CPQ: variants seen among roughly 807,000 people sequenced by gnomAD.
CPQ encodes Ser-Met dipeptidase.
Under a neutral mutation model 45.7 loss-of-function variants are expected in CPQ, and 37 were observed. The observed-to-expected ratio is 0.81, with a 90% confidence interval of 0.62 to 1.07. The LOEUF (loss-of-function observed/expected upper bound fraction) is 1.07. Among genes scored for constraint, CPQ ranks in the 50% least tolerant of loss-of-function variants. The probability of loss-of-function intolerance (pLI) is 0.00; values close to 1 mark genes in which losing one functional copy is unlikely to be tolerated. For missense variants in CPQ, 537 were observed against 572.9 expected (o/e 0.94, Z 0.64); for synonymous variants, 186 against 205.8 (o/e 0.90, Z 0.82).
In CPQ at chr8:96,725,717, G is replaced by GC. The variant is rs566038033; in HGVS notation, c.-34-59146dup. ...TAAAACAGAACTGCCATTCAACCCA[G>GC]CAATCCCATTATTTGGTATATACCC... is the stretch of plus-strand genomic sequence containing the variant. On this transcript the variant is annotated intron_variant, in intron 1 of 7. Coordinates refer to ENST00000220763, the MANE Select transcript of CPQ (RefSeq NM_016134.4). Among the ~76,000 whole-genome samples, 183 of 152,048 alleles carry GC rather than the reference G, an allele frequency of 1.2e-3. 1 individual carries two copies. The highest frequency in any genetic ancestry group is 3.5e-3 in the African/African-American group (146 of 41,458).
chr8:97,035,715 C>G (rs541511057), intron 6 of CPQ, among the ~76,000 whole-genome samples: 44 of 150,766 alleles, frequency 2.9e-4, no homozygotes, highest in Admixed American at 5.3e-4. Flanking sequence ...GTTTTGTTTT[C>G]TTTTGTATTT....
intron 1 of CPQ, among the ~76,000 whole-genome samples, chr8:96,743,815 C>G (rs984325951): frequency 8.1e-5 from 11 of 135,604 alleles, no homozygotes; most frequent in African/African-American, 2.9e-4. Flanking sequence ...GACCCACTTG[C>G]GGAGGCAGTC....
intron 5 of CPQ, among the ~76,000 whole-genome samples, chr8:97,024,700 T>C (rs1809768484): frequency 6.6e-6 from 1 of 152,220 alleles, no homozygotes; most frequent in African/African-American, 2.4e-5. Context: ...TTAACCACTC[T>C]GCTTTACTAC....
rs533958744 is a variant in CPQ, at chr8:96,888,960, A to T, written c.849+8955A>T. On this transcript the variant is annotated intron_variant, in intron 4 of 7. Coordinates refer to ENST00000220763, the MANE Select transcript of CPQ (RefSeq NM_016134.4). Reference sequence around the variant, plus strand: ...GGGTGGGCAGTATGCTCTGAGCATAACCTGTAAAATTTGCATCCTGTCTCT... The same window carrying T: ...GGGTGGGCAGTATGCTCTGAGCATATCCTGTAAAATTTGCATCCTGTCTCT... Among the ~76,000 whole-genome samples, 304 of 152,312 alleles carry T rather than the reference A, an allele frequency of 2.0e-3. 2 individuals carry two copies. The highest frequency in any genetic ancestry group is 6.8e-3 in the African/African-American group (282 of 41,580).
At chr8:96,699,259 A>G (rs1270197031) in intron 1 of CPQ, among the ~76,000 whole-genome samples, 3 of 152,140 alleles carry the variant, frequency 2.0e-5, no homozygotes, top group Admixed American at 2.0e-4. Context: ...ATTTCCACTT[A>G]TTTGTGGGAG....
intron 5 of CPQ, among the ~76,000 whole-genome samples, chr8:96,985,806 A>AT (rs1298690530): frequency 6.6e-6 from 1 of 152,256 alleles, no homozygotes; most frequent in African/African-American, 2.4e-5. Context: ...ACAAAAATTT[A>AT]TAACAACCAT....
intron 5 of CPQ, among the ~76,000 whole-genome samples, chr8:97,004,304 C>T (rs1391715376): frequency 6.7e-6 from 1 of 149,482 alleles, no homozygotes; most frequent in Non-Finnish European, 1.5e-5. Flanking sequence ...AATGTTAAAT[C>T]CCAGTAGCAA....
chr8:96,951,073 G>A (rs1813257047), intron 4 of CPQ, among the ~76,000 whole-genome samples: 1 of 152,092 alleles, frequency 6.6e-6, no homozygotes, highest in South Asian at 2.1e-4. Flanking sequence ...TAAAACAGAT[G>A]AAATAATGCT....
In CPQ at chr8:97,066,088, GT is replaced by G; in HGVS notation, c.1134del (p.Ser378ArgfsTer12). 6.2e-7 allele frequency: 1 copy of G among 1,612,308 alleles called. No individual in the cohort carries two copies. Among genetic ancestry groups the G allele is most frequent in the Non-Finnish European group, 8.5e-7 (1 of 1,179,510 alleles). On this transcript the variant is annotated frameshift_variant, in exon 7 of 8. Coordinates refer to ENST00000220763, the MANE Select transcript of CPQ (RefSeq NM_016134.4). LOFTEE classifies it high-confidence loss of function. ...FLPTGLQFTG[S>X]EKARAIMEEV... ...CCCACTGGGCTGCAATTCACTGGCAGTGAAAAGGCCAGGGCCATCATGGAGG... is the reference window on the plus strand; with the variant it reads ...CCCACTGGGCTGCAATTCACTGGCAGGAAAAGGCCAGGGCCATCATGGAGG...
At chr8:96,688,188 G>A (rs1231100255) in intron 1 of CPQ, among the ~76,000 whole-genome samples, 5 of 152,032 alleles carry the variant, frequency 3.3e-5, no homozygotes, top group African/African-American at 4.8e-5. Flanking sequence ...AGCATTACAA[G>A]GTGTTTATCT....
chr8:96,683,937 G>T (rs955573271), intron 1 of CPQ, among the ~76,000 whole-genome samples: 1 of 151,972 alleles, frequency 6.6e-6, no homozygotes, highest in Non-Finnish European at 1.5e-5. Flanking sequence ...TTCAGCTCAT[G>T]AATTATTTTT....
chr8:96,956,630 A>C (rs1813362153), intron 4 of CPQ, among the ~76,000 whole-genome samples: 1 of 152,198 alleles, frequency 6.6e-6, no homozygotes, highest in Non-Finnish European at 1.5e-5. Context: ...TATTAGATAC[A>C]AAACTAGTTA....
chr8:97,100,976 AT>A (rs1327264180), intron 7 of CPQ, among the ~76,000 whole-genome samples: 1 of 152,218 alleles, frequency 6.6e-6, no homozygotes, highest in East Asian at 1.9e-4. Flanking sequence ...ATATACAGTC[AT>A]TTCACAAAAT....
At chr8:96,905,783 A>G (rs1586446032) in intron 4 of CPQ, among the ~76,000 whole-genome samples, 1 of 150,224 alleles carries the variant, frequency 6.7e-6, no homozygotes, top group East Asian at 1.9e-4. Context: ...AAAAAAAAAA[A>G]GACTGGTAAA....
intron 1 of CPQ, among the ~76,000 whole-genome samples, chr8:96,683,452 C>A (rs1157010734): frequency 1.3e-5 from 2 of 151,916 alleles, no homozygotes; most frequent in African/African-American, 4.8e-5. Context: ...TTTTAGAATT[C>A]TCTCTTTGTC....
chr8:97,098,378 T>G (rs1811244096), intron 7 of CPQ, among the ~76,000 whole-genome samples: 1 of 152,128 alleles, frequency 6.6e-6, no homozygotes, highest in Non-Finnish European at 1.5e-5. Flanking sequence ...CCAAAGGGCT[T>G]TCTCCAGTGC....
At chr8:96,646,767 G>A (rs1466895443) in intron 1 of CPQ, among the ~76,000 whole-genome samples, 2 of 152,226 alleles carry the variant, frequency 1.3e-5, no homozygotes, top group Non-Finnish European at 2.9e-5. Flanking sequence ...ATCAGGGTTA[G>A]AAGGTGAAAT....
intron 1 of CPQ, among the ~76,000 whole-genome samples, chr8:96,755,869 G>A (rs574273526): frequency 6.1e-4 from 92 of 152,020 alleles, no homozygotes; most frequent in African/African-American, 2.1e-3. Context: ...ACTCTGGCTT[G>A]TAAATTTTAT....
chr8:96,697,518 G>A (rs1307038803), intron 1 of CPQ, among the ~76,000 whole-genome samples: 1 of 152,012 alleles, frequency 6.6e-6, no homozygotes, highest in African/African-American at 2.4e-5. Context: ...AGAGCAATTA[G>A]ACAAGAGAAA....
Sources: gnomAD v4.1 joint callset for allele counts (sites outside exome capture counted in the v4.1 genomes callset) on GRCh38, gnomAD v4.1.1 for gene constraint, MANE v1.5 for transcripts, NCBI Gene and HGNC (gene_info 2026-07-23, HGNC 2026-07-21) for gene names.